Variants in PARP12 observed in about 807,000 individuals in gnomAD.
PARP12 encodes poly(ADP-ribose) polymerase family member 12, also known as protein mono-ADP-ribosyltransferase PARP12.
A neutral mutation model predicts 72.4 loss-of-function variants in PARP12; 59 were observed. The observed-to-expected ratio is 0.81, with a 90% CI of 0.66 to 1.01. The LOEUF (loss-of-function observed/expected upper bound fraction) is 1.01. PARP12 is among the 50% of genes least tolerant of loss of function. PARP12 has a pLI of 0.00. For missense variants in PARP12, 851 were observed against 914.0 expected (o/e 0.93, Z 0.89); for synonymous variants, 403 against 371.4 (o/e 1.09, Z -0.98).
intron 4 of PARP12, among the ~76,000 whole-genome samples, chr7:140,049,663 G>A (rs1484547432): frequency 6.6e-6 from 1 of 152,180 alleles, no homozygotes; most frequent in African/African-American, 2.4e-5. Context: ...GGACATGGGG[G>A]CCAGGGGAAT....
chr7:140,050,286 C>G (rs751226279), intron 4 of PARP12, among the ~76,000 whole-genome samples: 1 of 152,146 alleles, frequency 6.6e-6, no homozygotes, highest in Non-Finnish European at 1.5e-5. Flanking sequence ...ACAATGGGAG[C>G]CCCTGGCAGA....
At chr7:140,036,901 C>G (rs2116556867) in intron 7 of PARP12, among the ~76,000 whole-genome samples, 1 of 152,230 alleles carries the variant, frequency 6.6e-6, no homozygotes, top group Admixed American at 6.5e-5. Context: ...GTAAGGCAAC[C>G]AGGATGAAAC....
chr7:140,054,866 G>T, intron 3 of PARP12, 103 bp from the exon 4 acceptor site: 1 of 937,574 alleles, frequency 1.1e-6, no homozygotes, highest in Non-Finnish European at 1.7e-6. Flanking sequence ...GGCAACGCAA[G>T]CTCACAAAGC....
chr7:140,062,217 G>T (rs1474248320), intron 1 of PARP12, among the ~76,000 whole-genome samples: 2 of 150,408 alleles, frequency 1.3e-5, no homozygotes, highest in African/African-American at 2.4e-5. Flanking sequence ...CTAAGCCGCC[G>T]CCTCCCTCCC....
chr7:140,033,985 T>C, intron 8 of PARP12: 1 of 1,095,914 alleles, frequency 9.1e-7, no homozygotes, highest in East Asian at 6.3e-5. Context: ...CTTCAGAGTC[T>C]GTCTTCTCCA....
chr7:140,046,798 C>CTGTG (rs1441170286), intron 5 of PARP12, 86 bp downstream of exon 5: 4 of 778,010 alleles, frequency 5.1e-6, no homozygotes, highest in Non-Finnish European at 5.1e-6. Flanking sequence ...AGGCTGCTCA[C>CTGTG]AGTGTGTGTG....
At chr7:140,025,219 G>T in intron 11 of PARP12, 1 of 337,642 alleles carries the variant, frequency 3.0e-6, no homozygotes, top group South Asian at 3.0e-5. Flanking sequence ...GCATAAAATG[G>T]GGCTGTTCAG....
In PARP12 at chr7:140,024,122, C is replaced by CT; in HGVS notation, c.*437_*438insA. ...AGAGCAACAGGCAGAAGTGACTGTG[C>CT]CGCCCGTGGGCTGTCATCCACCGGT... On this transcript the variant is annotated 3_prime_UTR_variant, in exon 12 of 12. Transcript: ENST00000263549. 3.5e-6 allele frequency: 1 copy of CT among 282,440 alleles called. No individual in the cohort carries two copies. The highest frequency in any genetic ancestry group is 3.4e-5 in the South Asian group (1 of 29,104). 17.5% of individuals were successfully genotyped at this position (282,440 alleles called of 1,614,324 possible). A position where few individuals can be genotyped will look rare whatever the true frequency, so the allele number is the denominator to read the frequency against.
rs747311214 is a variant in PARP12, at chr7:140,024,900, G to C, written c.1781-15C>G. ...AAAGTAGCTCCCTGAAATGACACACGAGGGCTCAGCTGGTGGAGGGGCCTG... is the reference window on the plus strand; with the variant it reads ...AAAGTAGCTCCCTGAAATGACACACCAGGGCTCAGCTGGTGGAGGGGCCTG... On this transcript the variant is annotated splice_polypyrimidine_tract_variant and intron_variant, in intron 11 of 11. Coordinates refer to ENST00000263549, the MANE Select transcript of PARP12 (RefSeq NM_022750.4). 1.2e-6 allele frequency: 2 copies of C among 1,609,124 alleles called. No individual in the cohort carries two copies. The highest frequency in any genetic ancestry group is 1.7e-6 in the Non-Finnish European group (2 of 1,176,488).
chr7:140,056,024 C>T (rs542964612), intron 3 of PARP12, among the ~76,000 whole-genome samples: 15 of 152,300 alleles, frequency 9.8e-5, no homozygotes, highest in African/African-American at 3.4e-4. Context: ...CCCAAGACAG[C>T]GCCCAGCATG....
At chr7:140,058,098 G>GTCC (rs761545506) in intron 1 of PARP12, 64 bp from the exon 2 acceptor site, 1 of 1,570,536 alleles carries the variant, frequency 6.4e-7, no homozygotes, top group Non-Finnish European at 8.8e-7. Flanking sequence ...CTATGTTGGA[G>GTCC]TCCTAACTCC....
chr7:140,057,727 G>T, intron 2 of PARP12, 172 bp downstream of exon 2: 1 of 883,730 alleles, frequency 1.1e-6, no homozygotes, highest in Non-Finnish European at 1.7e-6. Flanking sequence ...TGTTGGCAAA[G>T]CTGGCCCTTG....
chr7:140,030,605 A>G (rs1055197944), intron 8 of PARP12, among the ~76,000 whole-genome samples: 2 of 152,062 alleles, frequency 1.3e-5, no homozygotes, highest in African/African-American at 4.8e-5. Flanking sequence ...CAAAATACAT[A>G]CATACATACA....
chr7:140,055,636 C>G (rs1340697982), intron 3 of PARP12, among the ~76,000 whole-genome samples: 2 of 152,210 alleles, frequency 1.3e-5, no homozygotes, highest in African/African-American at 2.4e-5. Context: ...ATGGTGACTG[C>G]TCTTGCAGCT....
intron 7 of PARP12, among the ~76,000 whole-genome samples, chr7:140,037,393 G>A (rs969604083): frequency 1.3e-5 from 2 of 152,210 alleles, no homozygotes; most frequent in African/African-American, 4.8e-5. Context: ...GGAGCTGCTC[G>A]GACACCTGTC....
chr7:140,033,844 A>G, intron 8 of PARP12: 1 of 988,472 alleles, frequency 1.0e-6, no homozygotes, highest in Non-Finnish European at 1.2e-6. Context: ...TCAAATACTA[A>G]AATACATGAG....
chr7:140,061,811 A>G (rs941010597), intron 1 of PARP12, among the ~76,000 whole-genome samples: 2 of 152,168 alleles, frequency 1.3e-5, no homozygotes, highest in East Asian at 3.9e-4. Flanking sequence ...GGGTGCCATG[A>G]GGAAAATAAA....
intron 7 of PARP12, among the ~76,000 whole-genome samples, 199 bp downstream of exon 7, chr7:140,037,516 C>A (rs1385869670): frequency 6.6e-6 from 1 of 152,244 alleles, no homozygotes; most frequent in Non-Finnish European, 1.5e-5. Flanking sequence ...ATTCTCCTCA[C>A]ATCCTTGATG....
chr7:140,041,653 A>G lies in PARP12; in HGVS notation c.1173T>C (p.Tyr391=), dbSNP rs531386688. 5 of 1,613,868 alleles carry G rather than the reference A, an allele frequency of 3.1e-6. No individual in the cohort carries two copies. The highest frequency in any genetic ancestry group is 3.4e-6 in the Non-Finnish European group (4 of 1,179,850). ...TTTCCATCACACTTACCTGTCTTCC[A>G]TATTCCTGCCAAGAACCAAACTCAT... ...WSDEFGSWQE[Y]GRQGTVHPVT... Residue 391 remains tyrosine, a synonymous_variant, in exon 6 of 12, where the codon TAT becomes TAC. Coordinates refer to ENST00000263549, the MANE Select transcript of PARP12 (RefSeq NM_022750.4).
Sources: gnomAD v4.1 joint callset for allele counts (sites outside exome capture counted in the v4.1 genomes callset) on GRCh38, gnomAD v4.1.1 for gene constraint, MANE v1.5 for transcripts, NCBI Gene and HGNC (gene_info 2026-07-23, HGNC 2026-07-21) for gene names.